ZNF141: variants seen among roughly 807,000 people sequenced by gnomAD.
The protein encoded by ZNF141 is zinc finger protein 141.
A neutral mutation model predicts 11.3 loss-of-function variants in ZNF141; 7 were observed. The ratio of observed to expected loss-of-function variants is 0.62; its 90% CI spans 0.35 to 1.16. The LOEUF (loss-of-function observed/expected upper bound fraction) is 1.16, where lower values mean the gene tolerates loss of function less well. Among genes scored for constraint, ZNF141 ranks in the 50% most tolerant of loss-of-function variants. The pLI is 0.02. For synonymous variants in ZNF141, 183 were observed against 190.7 expected (o/e 0.96, Z 0.33); for missense variants, 535 against 554.0 (o/e 0.97, Z 0.34).
At chr4:359,145 A>G (rs1044843002) in intron 3 of ZNF141, among the ~76,000 whole-genome samples, 1 of 152,128 alleles carries the variant, frequency 6.6e-6, no homozygotes, top group African/African-American at 2.4e-5. Flanking sequence ...ATCACAGTCA[A>G]CTGCATTGGA....
intron 3 of ZNF141, among the ~76,000 whole-genome samples, chr4:368,774 C>T (rs952034613): frequency 2.0e-5 from 3 of 152,084 alleles, no homozygotes; most frequent in African/African-American, 4.8e-5. Context: ...AATTCTTTAG[C>T]TTTGTATGTT....
rs150272356 is a variant in ZNF141, at chr4:348,755, G to A, written c.226+4325G>A. On this transcript the variant is annotated intron_variant, in intron 3 of 3. Coordinates refer to ENST00000240499, the MANE Select transcript of ZNF141 (RefSeq NM_003441.4). ...AAAAAAAAAAAAAAACAAGTATGAT[G>A]CCCCCAGCTTTGTTCTTTCTCAAGA... is the stretch of plus-strand genomic sequence containing the variant. 3.5e-3 allele frequency among the ~76,000 whole-genome samples: 532 copies of A among 151,046 alleles called. 6 individuals carry two copies. The highest frequency in any genetic ancestry group is 0.012 in the African/African-American group (505 of 41,214).
At chr4:360,274 A>G (rs1215759614) in intron 3 of ZNF141, among the ~76,000 whole-genome samples, 1 of 152,200 alleles carries the variant, frequency 6.6e-6, no homozygotes, top group Non-Finnish European at 1.5e-5. Flanking sequence ...GATATGTTCT[A>G]TGTCAAATTT....
chr4:384,813 C>T lies in ZNF141; in HGVS notation c.*10951C>T, dbSNP rs1460484210. The T allele has an allele frequency of 1.3e-5, 2 of 152,302 alleles. No individual in the cohort carries two copies. Among genetic ancestry groups the T allele is most frequent in the Non-Finnish European group, 2.9e-5 (2 of 68,104 alleles). 9.4% of individuals were successfully genotyped at this position (152,302 alleles called of 1,614,324 possible). A position where few individuals can be genotyped will look rare whatever the true frequency, so the allele number is the denominator to read the frequency against. ...CATTTCTGGCAACCTGCTTTCATGT[C>T]CCCTTTCTGCTGAGAGCTTTCCTTT... On this transcript the variant is annotated 3_prime_UTR_variant, in exon 4 of 4. Transcript: ENST00000240499.
At chr4:358,866 G>A (rs1005518620) in intron 3 of ZNF141, among the ~76,000 whole-genome samples, 6 of 152,132 alleles carry the variant, frequency 3.9e-5, no homozygotes, top group East Asian at 1.9e-4. Flanking sequence ...GAGCCTCCTC[G>A]CCTGGACTCT....
intron 3 of ZNF141, among the ~76,000 whole-genome samples, chr4:350,616 T>G (rs61481977): frequency 0.34 from 52,077 of 152,066 alleles, 9,023 homozygotes; most frequent in African/African-American, 0.36. Flanking sequence ...TAATCCCTAT[T>G]GTTGGAGGTG....
chr4:384,854 A>T lies in ZNF141; in HGVS notation c.*10992A>T, dbSNP rs1251386196. ...GCTTTCCTTTTGCTTAATAAATCCTATTCTGCTTTATTCACTCTCTGATGT... is the reference window on the plus strand; with the variant it reads ...GCTTTCCTTTTGCTTAATAAATCCTTTTCTGCTTTATTCACTCTCTGATGT... On this transcript the variant is annotated 3_prime_UTR_variant, in exon 4 of 4. Coordinates refer to ENST00000240499, the MANE Select transcript of ZNF141 (RefSeq NM_003441.4). 8.5e-5 allele frequency: 13 copies of T among 152,112 alleles called. No homozygotes were observed. Among genetic ancestry groups the T allele is most frequent in the African/African-American group, 2.9e-4 (12 of 41,368 alleles). 9.4% of individuals were successfully genotyped at this position (152,112 alleles called of 1,614,324 possible). A position where few individuals can be genotyped will look rare whatever the true frequency, so the allele number is the denominator to read the frequency against.
chr4:353,456 TA>T (rs1721699659), intron 3 of ZNF141, among the ~76,000 whole-genome samples: 1 of 124,258 alleles, frequency 8.0e-6, no homozygotes, highest in African/African-American at 3.5e-5. Context: ...AATTTATTAT[TA>T]TTATTATTAT....
chr4:369,758 A>ATTTTTTTTTTTTT (rs1560196787), intron 3 of ZNF141, among the ~76,000 whole-genome samples: 1 of 34,762 alleles, frequency 2.9e-5, no homozygotes, highest in African/African-American at 1.9e-4. Flanking sequence ...ATATATATAT[A>ATTTTTTTTTTTTT]TATATATTTT....
chr4:361,924 C>T (rs1257440805), intron 3 of ZNF141, among the ~76,000 whole-genome samples: 1 of 152,182 alleles, frequency 6.6e-6, no homozygotes, highest in Non-Finnish European at 1.5e-5. Context: ...AATGGTATTT[C>T]TAGTTCTAAA....
intron 1 of ZNF141, among the ~76,000 whole-genome samples, chr4:339,597 A>G (rs1320314926): frequency 1.3e-5 from 2 of 152,254 alleles, no homozygotes; most frequent in Non-Finnish European, 2.9e-5. Context: ...GAATGAGGAA[A>G]GAATTTTTAC....
chr4:344,333 A>G lies in ZNF141; in HGVS notation c.131-2A>G. ...GTTATTATTTTTTTTAAAATAAAACAGGTGTTGCTATCTCTAACCCAGACC... is the reference window on the plus strand; with the variant it reads ...GTTATTATTTTTTTTAAAATAAAACGGGTGTTGCTATCTCTAACCCAGACC... On this transcript the variant is annotated splice_acceptor_variant, in intron 2 of 3. Coordinates refer to ENST00000240499, the MANE Select transcript of ZNF141 (RefSeq NM_003441.4). LOFTEE classifies it high-confidence loss of function. 1 of 1,605,688 alleles carries G rather than the reference A, an allele frequency of 6.2e-7. No homozygotes were observed. The highest frequency in any genetic ancestry group is 8.5e-7 in the Non-Finnish European group (1 of 1,174,224).
At position 383,424 on chromosome 4, in the gene ZNF141, G is replaced by T; in HGVS notation, c.*9562G>T. The T allele has an allele frequency of 2.6e-6, 1 of 388,980 alleles. No individual in the cohort carries two copies. The highest frequency in any genetic ancestry group is 4.5e-6 in the Non-Finnish European group (1 of 220,342). 24.1% of individuals were successfully genotyped at this position (388,980 alleles called of 1,614,324 possible). A position where few individuals can be genotyped will look rare whatever the true frequency, so the allele number is the denominator to read the frequency against. On this transcript the variant is annotated 3_prime_UTR_variant, in exon 4 of 4. Transcript: ENST00000240499. ...ATAACCTGCAAATGCTTGCCACCCT[G>T]TAAGTATTGATTTTCTTTTTTCCTT...
Position 372,921 on chromosome 4 carries a change from A to G in ZNF141, c.484A>G (p.Lys162Glu). ...TGTTAGTAAATTTTCAAATTCAAAC[A>G]AACGTAAGACAAGACATACTGGAGA... Reference protein sequence around the residue: ...KVVSKFSNSNKRKTRHTGEKH... With the variant: ...KVVSKFSNSNERKTRHTGEKH... Residue 162 changes from lysine to glutamate, a missense_variant, in exon 4 of 4, where the codon AAA becomes GAA. By Grantham distance (56) the Lys-to-Glu change is moderately conservative. Transcript: ENST00000240499. 2 of 1,613,914 alleles carry G rather than the reference A, an allele frequency of 1.2e-6. No homozygotes were observed. Among genetic ancestry groups the G allele is most frequent in the East Asian group, 4.5e-5 (2 of 44,858 alleles).
Position 373,918 on chromosome 4 carries a change from T to C in ZNF141, c.*56T>C. 1 of 1,445,918 alleles carries C rather than the reference T, an allele frequency of 6.9e-7. No individual in the cohort carries two copies. The highest frequency in any genetic ancestry group is 9.4e-7 in the Non-Finnish European group (1 of 1,061,220). 89.6% of individuals were successfully genotyped at this position (1,445,918 alleles called of 1,614,324 possible). ...AAACCTTTGGATGATCCACAAACCT[T>C]AATGAACATGAGAAAATTTATACTG... On this transcript the variant is annotated 3_prime_UTR_variant, in exon 4 of 4. Coordinates refer to ENST00000240499, the MANE Select transcript of ZNF141 (RefSeq NM_003441.4).
rs1553854119 is a variant in ZNF141 at position 373,759 on chromosome 4, A to G, written c.1322A>G (p.His441Arg). Residue 441 changes from histidine to arginine, a missense_variant, in exon 4 of 4, where the codon CAT (histidine) becomes CGT (arginine). Transcript: ENST00000240499. ...AAACAATTTTCGCTCCTGAGTCAAC[A>G]TAAGAAAATTCATACTGTAGATAAA... ...AFKQFSLLSQ[H>R]KKIHTVDKPY... 1.2e-6 allele frequency: 2 copies of G among 1,614,194 alleles called. No individual in the cohort carries two copies. The highest frequency in any genetic ancestry group is 8.5e-7 in the Non-Finnish European group (1 of 1,179,996).
At position 344,374 on chromosome 4, in the gene ZNF141, A is replaced by G. The variant is rs1553849136; in HGVS notation, c.170A>G (p.Glu57Gly). ...AACCCAGACCTGGTCACCTGTCTGG[A>G]GCAAAGAAAAGAGCCCTACAATGTG... Reference protein sequence around the residue: ...ISNPDLVTCLEQRKEPYNVKI... With the variant: ...ISNPDLVTCLGQRKEPYNVKI... The change falls in exon 3 of 4, where the codon GAG (glutamate) becomes GGG (glycine). Residue 57 changes from glutamate to glycine, a missense_variant. Glu to Gly is a moderately conservative substitution (Grantham distance 98). Transcript: ENST00000240499. 6.2e-7 allele frequency: 1 copy of G among 1,609,062 alleles called. No homozygotes were observed. Among genetic ancestry groups the G allele is most frequent in the South Asian group, 1.1e-5 (1 of 91,058 alleles).
intron 3 of ZNF141, chr4:358,183 CTTTTTT>C (rs575102486): frequency 2.3e-5 from 7 of 301,880 alleles, no homozygotes; most frequent in African/African-American, 3.0e-5. Context: ...GTTTCTCGTT[CTTTTTT>C]TTTTTTTTTT....
At position 344,042 on chromosome 4, in the gene ZNF141, T is replaced by G. The variant is rs1361417511; in HGVS notation, c.130+134T>G. On this transcript the variant is annotated intron_variant, in intron 2 of 3. Transcript: ENST00000240499. ...TCTTTTCTTGAGCTAATTTGAGTCC[T>G]TCACTCTAGGTTAGTGGTAATTCTA... 3.1e-6 allele frequency: 4 copies of G among 1,284,106 alleles called. No homozygotes were observed. In the African/African-American group the frequency reaches 6.1e-5, roughly 19 times the overall value. 79.5% of individuals were successfully genotyped at this position (1,284,106 alleles called of 1,614,324 possible).
Sources: allele counts gnomAD v4.1 joint callset (sites outside exome capture counted in the v4.1 genomes callset), GRCh38; gene constraint gnomAD v4.1.1; transcripts MANE v1.5; gene names NCBI Gene and HGNC (gene_info 2026-07-23, HGNC 2026-07-21).